The following DDX43 variants were observed in gnomAD, a reference collection of about 807,000 sequenced individuals.
DDX43 encodes the protein probable ATP-dependent RNA helicase DDX43.
Under a neutral mutation model 84.9 loss-of-function variants are expected in DDX43, and 50 were observed. The observed-to-expected ratio is 0.59, with a 90% CI of 0.47 to 0.75. DDX43 has a LOEUF of 0.75. DDX43 is among the 30% of genes least tolerant of loss of function. The pLI is 0.00. For synonymous variants in DDX43, 291 were observed against 266.3 expected, an observed-to-expected ratio of 1.09 and a Z score of -0.90; for missense variants, 689 against 798.6, an observed-to-expected ratio of 0.86 and a Z score of 1.65.
At chr6:73,402,869 C>G (rs1217778169) in intron 4 of DDX43, among the ~76,000 whole-genome samples, 2 of 151,976 alleles carry the variant, frequency 1.3e-5, no homozygotes, top group African/African-American at 4.8e-5. Flanking sequence ...GTGAGCCACC[C>G]CACCCAGCCC....
rs571994660 is a variant in DDX43 at position 73,413,221 on chromosome 6, A to G, written c.1369-437A>G. Reference sequence around the variant, plus strand: ...TCTCTTTCTGGCTTTTTGCTTAATCATTAATAAATGAAATTGGCCTTTCAC... The same window carrying G: ...TCTCTTTCTGGCTTTTTGCTTAATCGTTAATAAATGAAATTGGCCTTTCAC... On this transcript the variant is annotated intron_variant, in intron 11 of 16. Coordinates refer to ENST00000370336, the MANE Select transcript of DDX43 (RefSeq NM_018665.3). 5.3e-5 allele frequency among the ~76,000 whole-genome samples: 8 copies of G among 152,312 alleles called. No homozygotes were observed. The East Asian group carries it at 1.4e-3, about 26-fold the overall frequency.
chr6:73,398,527 C>T (rs1379594193), intron 2 of DDX43, among the ~76,000 whole-genome samples: 2 of 152,184 alleles, frequency 1.3e-5, no homozygotes, highest in African/African-American at 4.8e-5. Flanking sequence ...GCTGGGATTA[C>T]AGGCGTGAGC....
At chr6:73,414,764 AC>A in intron 14 of DDX43, 78 bp downstream of exon 14, 1 of 1,345,618 alleles carries the variant, frequency 7.4e-7, no homozygotes, top group East Asian at 2.5e-5. Flanking sequence ...TGCCCAGAAA[AC>A]CATTTTATTC....
At chr6:73,415,026 G>A (rs1029280860) in intron 14 of DDX43, among the ~76,000 whole-genome samples, 1 of 152,150 alleles carries the variant, frequency 6.6e-6, no homozygotes, top group Non-Finnish European at 1.5e-5. Flanking sequence ...GGCCGGGCAC[G>A]GTGGCTTACG....
At position 73,402,802 on chromosome 6, in the gene DDX43, C is replaced by T. The variant is rs141769668; in HGVS notation, c.568+812C>T. Among the ~76,000 whole-genome samples the T allele has an allele frequency of 8.6e-3, 1,314 of 152,202 alleles. 10 individuals are homozygous for T. Among genetic ancestry groups the T allele is most frequent in the Non-Finnish European group, 0.013 (885 of 68,008 alleles). On this transcript the variant is annotated intron_variant, in intron 4 of 16. Transcript: ENST00000370336. Reference sequence around the variant, plus strand: ...CCATGTTGGCCAGGCTGGTCTCAAACCCCTGGCCTCAAGTGATCCACCTGC... The same window carrying T: ...CCATGTTGGCCAGGCTGGTCTCAAATCCCTGGCCTCAAGTGATCCACCTGC...
chr6:73,394,852 C>T lies in DDX43; in HGVS notation c.-54C>T, dbSNP rs1235143132. The T allele has an allele frequency of 2.5e-6, 4 of 1,591,520 alleles. No homozygotes were observed. The highest frequency in any genetic ancestry group is 1.7e-4 in the Middle Eastern group (1 of 5,862). ...CACGCTACTCTTACGACGTCACGGT[C>T]AGGTGGTGCAGAGCTGGACGGCAAC... On this transcript the variant is annotated 5_prime_UTR_variant, in exon 1 of 17. Transcript: ENST00000370336.
chr6:73,412,310 A>G lies in DDX43; in HGVS notation c.1368+18A>G. 1.3e-6 allele frequency: 2 copies of G among 1,587,640 alleles called. No homozygotes were observed. Among genetic ancestry groups the G allele is most frequent in the Non-Finnish European group, 1.7e-6 (2 of 1,164,434 alleles). On this transcript the variant is annotated intron_variant, in intron 11 of 16. Coordinates refer to ENST00000370336, the MANE Select transcript of DDX43 (RefSeq NM_018665.3). Reference sequence around the variant, plus strand: ...ATCTAGTTGTAAGCTTTTTTTTATTACTATTGTTTAACATTTCTTATGAAA... The same window carrying G: ...ATCTAGTTGTAAGCTTTTTTTTATTGCTATTGTTTAACATTTCTTATGAAA...
chr6:73,415,674 CTT>C, intron 15 of DDX43, 90 bp downstream of exon 15: 1 of 929,834 alleles, frequency 1.1e-6, no homozygotes, highest in Non-Finnish European at 1.6e-6. Flanking sequence ...TATCAGGAAG[CTT>C]CAAATAAGTT....
intron 9 of DDX43, among the ~76,000 whole-genome samples, chr6:73,408,875 T>C (rs1162601397): frequency 6.6e-6 from 1 of 152,344 alleles, no homozygotes; most frequent in African/African-American, 2.4e-5. Flanking sequence ...GATTTTATAA[T>C]GGCTGTAGGA....
At chr6:73,412,875 C>T (rs904214981) in intron 11 of DDX43, among the ~76,000 whole-genome samples, 2 of 151,974 alleles carry the variant, frequency 1.3e-5, no homozygotes, top group Non-Finnish European at 2.9e-5. Flanking sequence ...GGGTTACAAA[C>T]ATGGCTACTA....
intron 3 of DDX43, among the ~76,000 whole-genome samples, chr6:73,401,540 C>T (rs1449764475): frequency 3.9e-5 from 6 of 152,148 alleles, no homozygotes; most frequent in African/African-American, 9.7e-5. Context: ...TGGTGGCTCA[C>T]GCCTGTAATC....
chr6:73,395,570 C>T (rs892376151), intron 1 of DDX43, among the ~76,000 whole-genome samples: 8 of 151,062 alleles, frequency 5.3e-5, no homozygotes, highest in Non-Finnish European at 7.4e-5. Context: ...GCTGAGATCG[C>T]GCCACTGCAC....
At chr6:73,398,516 T>C (rs902827739) in intron 2 of DDX43, among the ~76,000 whole-genome samples, 1 of 152,134 alleles carries the variant, frequency 6.6e-6, no homozygotes, top group Admixed American at 6.6e-5. Flanking sequence ...CCTCCCAAAG[T>C]GCTGGGATTA....
At chr6:73,395,301 G>T in intron 1 of DDX43, 146 bp downstream of exon 1, 1 of 1,090,342 alleles carries the variant, frequency 9.2e-7, no homozygotes, top group South Asian at 1.6e-5. Context: ...GTAAAACCTG[G>T]GGATAGAGTA....
intron 1 of DDX43, among the ~76,000 whole-genome samples, chr6:73,396,813 A>C (rs1177453128): frequency 3.9e-5 from 6 of 152,204 alleles, no homozygotes; most frequent in African/African-American, 1.4e-4. Flanking sequence ...AAGTAGAATC[A>C]TGCAGTAATT....
In DDX43 at chr6:73,413,878, C is replaced by G. The variant is rs146663392; in HGVS notation, c.1497-92C>G. ...CTAATTCCAAATGGGGGTGATAAGT[C>G]TGTTATGTTACTTTAGATTTTTGCT... On this transcript the variant is annotated intron_variant, in intron 12 of 16. Transcript: ENST00000370336. The G allele has an allele frequency of 1.8e-4, 272 of 1,524,906 alleles. 1 individual carries two copies. The highest frequency in any genetic ancestry group is 1.6e-3 in the Middle Eastern group (9 of 5,634). The allele number at this position is 1,524,906 out of a possible 1,614,324, so 94.5% of individuals were successfully genotyped here. A position where few individuals can be genotyped will look rare whatever the true frequency, so the allele number is the denominator to read the frequency against.
intron 11 of DDX43, among the ~76,000 whole-genome samples, 180 bp downstream of exon 11, chr6:73,412,472 C>G (rs1217362970): frequency 1.3e-5 from 2 of 152,000 alleles, no homozygotes; most frequent in African/African-American, 4.8e-5. Flanking sequence ...CTAATACCAT[C>G]AACCTCTAGT....
intron 7 of DDX43, 48 bp from the exon 8 acceptor site, chr6:73,407,457 G>C (rs368578128): frequency 4.8e-6 from 6 of 1,252,132 alleles, no homozygotes; most frequent in Non-Finnish European, 7.0e-6. Flanking sequence ...TAAATGTACC[G>C]TGCATCTGAG....
chr6:73,397,512 AC>A (rs1457779268), intron 1 of DDX43, among the ~76,000 whole-genome samples, 176 bp from the exon 2 acceptor site: 2 of 152,104 alleles, frequency 1.3e-5, no homozygotes, highest in Admixed American at 1.3e-4. Context: ...GTCTCCTAAA[AC>A]CCACCAAAAT....
Sources: allele counts gnomAD v4.1 joint callset (sites outside exome capture counted in the v4.1 genomes callset), GRCh38; gene constraint gnomAD v4.1.1; transcripts MANE v1.5; gene names NCBI Gene and HGNC (gene_info 2026-07-23, HGNC 2026-07-21).